WNT11: variants seen among roughly 807,000 people sequenced by gnomAD.
WNT11 encodes Wnt family member 11, also known as protein Wnt-11.
WNT11 carries 20 observed loss-of-function variants against 35.6 expected under a neutral mutation model. That is an observed-to-expected ratio of 0.56 (90% CI 0.40 to 0.82). The LOEUF (loss-of-function observed/expected upper bound fraction) is 0.82, where lower values mean the gene tolerates loss of function less well. Ranked by LOEUF, WNT11 falls within the 40% of genes least tolerant of loss-of-function variation. The pLI is 0.00. For missense variants in WNT11, 459 were observed against 504.4 expected (o/e 0.91, Z 0.86); for synonymous variants, 200 against 211.9 (o/e 0.94, Z 0.49).
Position 76,191,568 on chromosome 11 carries a change from CTT to C in WNT11, c.884_885del (p.Gln295ArgfsTer37). On this transcript the variant is annotated frameshift_variant, in exon 4 of 5. Transcript: ENST00000322563. LOFTEE classifies it high-confidence loss of function. Reference sequence around the variant, plus strand: ...CAAGGTGGCAGCAGGCCTCACCTGTCTTGTGTCCCGTGGGAGCCCACCTTCTC... The same window carrying C: ...CAAGGTGGCAGCAGGCCTCACCTGTCGTGTCCCGTGGGAGCCCACCTTCTC... ...KNEKVGSHGT[Q>X]DRQCNKTSNG... is the part of the protein sequence containing the mutation. 1 of 1,610,262 alleles carries C rather than the reference CTT, an allele frequency of 6.2e-7. No individual in the cohort carries two copies. The highest frequency in any genetic ancestry group is 2.2e-5 in the East Asian group (1 of 44,754).
intron 4 of WNT11, 47 bp from the exon 5 acceptor site, chr11:76,187,286 C>A: frequency 6.4e-7 from 1 of 1,560,440 alleles, no homozygotes; most frequent in Non-Finnish European, 8.7e-7. Flanking sequence ...TGGTCACCAC[C>A]CCACCAACAC....
At position 76,191,624 on chromosome 11, in the gene WNT11, T is replaced by C. The variant is rs1953185274; in HGVS notation, c.830A>G (p.Gln277Arg). ...CTTCATGCAGAAGTCAGGTGAGCTC[T>C]GCAGATAGACGAGTTCCGAGTCCTT... The part of the protein sequence containing the change: ...PVKDSELVYL[Q>R]SSPDFCMKNE... The change falls in exon 4 of 5, where the codon CAG becomes CGG. Residue 277 changes from glutamine to arginine, a missense_variant. Physicochemically the swap from Gln to Arg is conservative, Grantham distance 43. Transcript: ENST00000322563. 6.2e-7 allele frequency: 1 copy of C among 1,613,882 alleles called. No homozygotes were observed. Among genetic ancestry groups the C allele is most frequent in the Non-Finnish European group, 8.5e-7 (1 of 1,180,020 alleles).
chr11:76,202,080 C>T (rs989930766), intron 1 of WNT11, among the ~76,000 whole-genome samples: 2 of 152,174 alleles, frequency 1.3e-5, no homozygotes, highest in African/African-American at 2.4e-5. Flanking sequence ...GCAGCTCGGC[C>T]GCCCACGGTG....
rs1591314396 is a variant in WNT11, at chr11:76,206,369, G to A, written c.39C>T (p.Phe13=). ...ACACGCCGGTCTGGAGCGCCAGGGC[G>A]AAGAGCAGCGCCTCGCAGACCTGCG... ...ARPQVCEALL[F]ALALQTGVCY... is the part of the protein sequence containing the mutation. Residue 13 remains phenylalanine, a synonymous_variant, in exon 1 of 5, where the codon TTC becomes TTT. Transcript: ENST00000322563. 6.4e-7 allele frequency: 1 copy of A among 1,566,326 alleles called. No individual in the cohort carries two copies. The highest frequency in any genetic ancestry group is 8.6e-7 in the Non-Finnish European group (1 of 1,161,634).
upstream of WNT11, among the ~76,000 whole-genome samples, chr11:76,210,120 C>T (rs1953541121): frequency 6.6e-6 from 1 of 151,634 alleles, no homozygotes; most frequent in South Asian, 2.1e-4. Context: ...CGGGCATGAC[C>T]TCATCCGCCG....
chr11:76,194,561 G>A lies in WNT11; in HGVS notation c.597+6C>T, dbSNP rs376754022. Reference sequence around the variant, plus strand: ...CTATCTGGGGGTGGGTGGGGTGGGTGGTTACCTGTCTCCCCACTTCACTGT... The same window carrying A: ...CTATCTGGGGGTGGGTGGGGTGGGTAGTTACCTGTCTCCCCACTTCACTGT... On this transcript the variant is annotated splice_donor_region_variant and intron_variant, in intron 3 of 4. Transcript: ENST00000322563. This position sits in a 1 kb window ranked among gnomAD's most constrained non-coding sequence, Gnocchi z 5.4. 1.2e-3 allele frequency: 1,867 copies of A among 1,540,984 alleles called. 1 individual carries two copies. The highest frequency in any genetic ancestry group is 1.6e-3 in the Non-Finnish European group (1,783 of 1,139,996).
chr11:76,206,268 C>A, intron 1 of WNT11, 57 bp downstream of exon 1: 1 of 1,360,974 alleles, frequency 7.3e-7, no homozygotes, highest in East Asian at 3.0e-5. Context: ...GACCCCAAAA[C>A]GCCCTCCGCC....
chr11:76,191,368 G>A (rs537558276), intron 4 of WNT11, among the ~76,000 whole-genome samples, 196 bp downstream of exon 4: 79 of 152,294 alleles, frequency 5.2e-4, no homozygotes, highest in African/African-American at 1.7e-3. Flanking sequence ...CAGAACAGGC[G>A]CTCCCAGCAG....
chr11:76,188,802 C>T (rs891496526), intron 4 of WNT11, among the ~76,000 whole-genome samples: 5 of 152,204 alleles, frequency 3.3e-5, no homozygotes, highest in Admixed American at 6.5e-5. Flanking sequence ...AGCAAGACTC[C>T]GCCGTGCAGA....
chr11:76,195,023 G>A, intron 2 of WNT11, 179 bp from the exon 3 acceptor site: 1 of 764,404 alleles, frequency 1.3e-6, no homozygotes, highest in East Asian at 2.8e-5. Flanking sequence ...TATACCAGCT[G>A]ACAGCCACAC....
At chr11:76,199,051 T>G (rs1005877246) in intron 1 of WNT11, among the ~76,000 whole-genome samples, 2 of 152,002 alleles carry the variant, frequency 1.3e-5, no homozygotes, top group Non-Finnish European at 2.9e-5. Context: ...CAGAATTGCT[T>G]GAACCCAGGA....
At chr11:76,189,118 G>C (rs1047024845) in intron 4 of WNT11, among the ~76,000 whole-genome samples, 4 of 152,238 alleles carry the variant, frequency 2.6e-5, no homozygotes, top group African/African-American at 9.6e-5. Flanking sequence ...GTGACTTAAG[G>C]CAGGTCACTG....
chr11:76,208,033 G>A (rs570083065), upstream of WNT11, among the ~76,000 whole-genome samples: 76 of 152,310 alleles, frequency 5.0e-4, no homozygotes, highest in Middle Eastern at 3.4e-3. Flanking sequence ...GCAGAAAAGG[G>A]ACGTTCTTAT....
chr11:76,197,662 C>A (rs1259150454), intron 1 of WNT11, among the ~76,000 whole-genome samples: 5 of 152,100 alleles, frequency 3.3e-5, no homozygotes. Flanking sequence ...CTGACTTCAT[C>A]CACCTCGTCC....
upstream of WNT11, among the ~76,000 whole-genome samples, chr11:76,209,835 A>C (rs1445954565): frequency 6.6e-6 from 1 of 151,052 alleles, no homozygotes; most frequent in Non-Finnish European, 1.5e-5. Context: ...GCGCGAGCTC[A>C]GCCAGATGTT....
At position 76,196,738 on chromosome 11, in the gene WNT11, C is replaced by A; in HGVS notation, c.84-20G>T. On this transcript the variant is annotated intron_variant, in intron 1 of 4. Coordinates refer to ENST00000322563, the MANE Select transcript of WNT11 (RefSeq NM_004626.3). ...AGCGCCCTGCACACCATGGAAAGGC[C>A]ATGACCGATGGAAGGAGAGACAGGG... The A allele has an allele frequency of 6.4e-7, 1 of 1,570,260 alleles. No individual in the cohort carries two copies. Among genetic ancestry groups the A allele is most frequent in the Admixed American group, 1.8e-5 (1 of 54,710 alleles).
chr11:76,196,469 T>C lies in WNT11; in HGVS notation c.319+14A>G. The C allele has an allele frequency of 4.3e-6, 7 of 1,612,004 alleles. No individual in the cohort carries two copies. Among genetic ancestry groups the C allele is most frequent in the Non-Finnish European group, 5.1e-6 (6 of 1,179,052 alleles). On this transcript the variant is annotated intron_variant, in intron 2 of 4. Transcript: ENST00000322563. ...CCGCACCCACATGCATTCAGCAGCC[T>C]CGCCAGCTCCTACCTCTCTCCAGGT...
At chr11:76,188,308 G>A (rs560893430) in intron 4 of WNT11, among the ~76,000 whole-genome samples, 1 of 152,346 alleles carries the variant, frequency 6.6e-6, no homozygotes, top group African/African-American at 2.4e-5. Flanking sequence ...CTTAAACTTG[G>A]GGACTAAAAC....
chr11:76,200,897 C>A (rs111793123), intron 1 of WNT11, among the ~76,000 whole-genome samples: 1 of 152,260 alleles, frequency 6.6e-6, no homozygotes, highest in South Asian at 2.1e-4. Flanking sequence ...GTGAAGGCAG[C>A]CTCCTGTGTC....
Sources: gnomAD v4.1 joint callset for allele counts (sites outside exome capture counted in the v4.1 genomes callset) on GRCh38, gnomAD v4.1.1 for gene constraint, Gnocchi (gnomAD v3.1) non-coding constraint, MANE v1.5 for transcripts, NCBI Gene and HGNC (gene_info 2026-07-23, HGNC 2026-07-21) for gene names.